SVIL: variants seen among roughly 807,000 people sequenced by gnomAD.
SVIL encodes the protein supervillin.
In SVIL, 101 loss-of-function variants were observed where a neutral mutation model predicts 240.4. The observed-to-expected ratio is 0.42, with a 90% CI of 0.36 to 0.50. The LOEUF (loss-of-function observed/expected upper bound fraction) is 0.50, where lower values mean the gene tolerates loss of function less well. Ranked by LOEUF, SVIL falls within the 20% of genes least tolerant of loss-of-function variation. The pLI, the probability that SVIL is intolerant of heterozygous loss-of-function variation, is 0.01. For synonymous variants in SVIL, 999 were observed against 1,100.0 expected, an observed-to-expected ratio of 0.91 and a Z score of 1.82; for missense variants, 2,512 against 2,818.7, an observed-to-expected ratio of 0.89 and a Z score of 2.46.
At chr10:29,530,438 C>T (rs372627095) in intron 11 of SVIL, among the ~76,000 whole-genome samples, 169 bp downstream of exon 11, 1 of 152,154 alleles carries the variant, frequency 6.6e-6, no homozygotes, top group East Asian at 1.9e-4. Context: ...AAGATTCCCC[C>T]TCCCTAAGGC....
chr10:29,532,698 G>T lies in SVIL; in HGVS notation c.1669C>A (p.Leu557Ile). The change falls in exon 8 of 38, where the codon CTC (leucine) becomes ATC (isoleucine). Residue 557 changes from leucine to isoleucine, a missense_variant. This residue lies in a region of SVIL where 1,443 missense variants were observed against 1,486.6 expected (regional missense o/e 0.97). Coordinates refer to ENST00000355867, the MANE Select transcript of SVIL (RefSeq NM_021738.3). ...SLSDFTGPPQ[L>I]QALKYKDPAS... ...GGGTCCTTATACTTCAAGGCCTGGA[G>T]CTGAGGGGGGCCTGTGAAATCTGAC... 6.2e-7 allele frequency: 1 copy of T among 1,614,220 alleles called. No homozygotes were observed. The highest frequency in any genetic ancestry group is 8.5e-7 in the Non-Finnish European group (1 of 1,180,036).
intron 10 of SVIL, 116 bp from the exon 11 acceptor site, chr10:29,530,784 A>G (rs1951306541): frequency 1.8e-6 from 2 of 1,097,650 alleles, no homozygotes; most frequent in Non-Finnish European, 2.7e-6. Context: ...GGTGCACTAA[A>G]ATAATAATTG....
At chr10:29,646,448 C>T (rs747566380) in intron 3 of SVIL, among the ~76,000 whole-genome samples, 8 of 152,196 alleles carry the variant, frequency 5.3e-5, no homozygotes, top group Non-Finnish European at 8.8e-5. Context: ...CACAAAGACA[C>T]GGCTTACTGG....
chr10:29,694,465 A>G (rs1011984706), intron 1 of SVIL, among the ~76,000 whole-genome samples: 1 of 149,988 alleles, frequency 6.7e-6, no homozygotes, highest in South Asian at 2.1e-4. Context: ...CCAAAATACA[A>G]TTTTTTTTTT....
chr10:29,681,270 G>A (rs1181940310), intron 2 of SVIL, among the ~76,000 whole-genome samples: 1 of 152,084 alleles, frequency 6.6e-6, no homozygotes, highest in East Asian at 1.9e-4. Context: ...TGCAGGCAAG[G>A]AAGGATGAGA....
chr10:29,522,779 C>T (rs914383350), intron 15 of SVIL, 144 bp from the exon 16 acceptor site: 1 of 909,034 alleles, frequency 1.1e-6, no homozygotes, highest in Non-Finnish European at 1.6e-6. Flanking sequence ...TGCAAATCTG[C>T]AGCACGCTAC....
At chr10:29,728,934 C>G (rs376096351) in intron 1 of SVIL, among the ~76,000 whole-genome samples, 4 of 151,956 alleles carry the variant, frequency 2.6e-5, no homozygotes, top group Admixed American at 2.6e-4. Flanking sequence ...GGTGGCTGGG[C>G]GACAGCAACA....
At chr10:29,491,298 G>A (rs939297775) in intron 21 of SVIL, among the ~76,000 whole-genome samples, 2 of 151,556 alleles carry the variant, frequency 1.3e-5, no homozygotes, top group Non-Finnish European at 2.9e-5. Flanking sequence ...GGCAGCTCAC[G>A]GCTCTGCTAG....
intron 17 of SVIL, among the ~76,000 whole-genome samples, chr10:29,500,380 G>A (rs1948784803): frequency 6.6e-6 from 1 of 152,144 alleles, no homozygotes; most frequent in East Asian, 1.9e-4. Context: ...TGGAGCTAAT[G>A]CCAAGGAAGG....
At chr10:29,491,528 T>C (rs1158600096) in intron 21 of SVIL, among the ~76,000 whole-genome samples, 4 of 152,198 alleles carry the variant, frequency 2.6e-5, no homozygotes, top group Admixed American at 2.6e-4. Flanking sequence ...ATGACTAGCT[T>C]CCACTTAACG....
At chr10:29,726,586 A>C (rs1964305058) in intron 1 of SVIL, among the ~76,000 whole-genome samples, 1 of 152,050 alleles carries the variant, frequency 6.6e-6, no homozygotes, top group South Asian at 2.1e-4. Flanking sequence ...GCCTCTACTA[A>C]AAATACAAAA....
At chr10:29,599,217 G>A (rs2132830690) in intron 1 of SVIL, among the ~76,000 whole-genome samples, 1 of 152,314 alleles carries the variant, frequency 6.6e-6, no homozygotes, top group South Asian at 2.1e-4. Flanking sequence ...AGTAAGAGAT[G>A]AGAGCGAGGA....
intron 1 of SVIL, among the ~76,000 whole-genome samples, chr10:29,591,848 T>C (rs1281795581): frequency 6.6e-6 from 1 of 152,226 alleles, no homozygotes; most frequent in Non-Finnish European, 1.5e-5. Context: ...TGAGGGCTGA[T>C]GCCTGTTCCT....
chr10:29,669,201 C>T (rs1454970601), intron 2 of SVIL, among the ~76,000 whole-genome samples: 1 of 151,998 alleles, frequency 6.6e-6, no homozygotes, highest in Non-Finnish European at 1.5e-5. Context: ...TGAGCAGAGC[C>T]CCAGAAGAAT....
chr10:29,558,797 A>T (rs926179908), intron 3 of SVIL, among the ~76,000 whole-genome samples: 1 of 151,096 alleles, frequency 6.6e-6, no homozygotes, highest in Non-Finnish European at 1.5e-5. Flanking sequence ...GCCTGGTAGC[A>T]TGTATCTGTA....
At chr10:29,600,415 G>A (rs1410111029) in intron 1 of SVIL, among the ~76,000 whole-genome samples, 3 of 152,144 alleles carry the variant, frequency 2.0e-5, no homozygotes, top group East Asian at 1.9e-4. Flanking sequence ...CCAGACATAC[G>A]GCACCAGAAT....
At chr10:29,693,272 T>C (rs988254485) in intron 1 of SVIL, among the ~76,000 whole-genome samples, 2 of 136,182 alleles carry the variant, frequency 1.5e-5, no homozygotes, top group Non-Finnish European at 3.0e-5. Context: ...TTCTCAAGCA[T>C]GACACTATAG....
chr10:29,659,068 T>C (rs147191325), intron 2 of SVIL, among the ~76,000 whole-genome samples: 1 of 152,034 alleles, frequency 6.6e-6, no homozygotes, highest in African/African-American at 2.4e-5. Flanking sequence ...TGTACCAGAG[T>C]AGAATTAAGG....
At chr10:29,493,496 G>C in intron 20 of SVIL, 105 bp from the exon 21 acceptor site, 2 of 1,266,930 alleles carry the variant, frequency 1.6e-6, no homozygotes, top group Non-Finnish European at 2.2e-6. Flanking sequence ...TTCCAGGAGT[G>C]GAAGAAACAC....
Sources: gnomAD v4.1 joint callset for allele counts (sites outside exome capture counted in the v4.1 genomes callset) on GRCh38, gnomAD v4.1.1 for gene constraint, gnomAD v4.1.1 regional missense constraint, MANE v1.5 for transcripts, NCBI Gene and HGNC (gene_info 2026-07-23, HGNC 2026-07-21) for gene names.